The following OTUD7A variants were observed in gnomAD, a reference collection of about 807,000 sequenced individuals.
The protein encoded by OTUD7A is OTU domain-containing protein 7A.
OTUD7A carries 12 observed loss-of-function variants against 65.7 expected under a neutral mutation model. The observed-to-expected ratio is 0.18, with a 90% CI of 0.12 to 0.30. The LOEUF is 0.30. Among genes scored for constraint, OTUD7A ranks in the 10% least tolerant of loss-of-function variants. The pLI is 1.00. For missense variants in OTUD7A, 1,148 were observed against 1,304.8 expected (o/e 0.88, Z 1.85); for synonymous variants, 641 against 586.3 (o/e 1.09, Z -1.35).
chr15:31,823,912 T>C (rs1042827286), intron 1 of OTUD7A, among the ~76,000 whole-genome samples: 9 of 152,224 alleles, frequency 5.9e-5, no homozygotes, highest in Non-Finnish European at 1.3e-4. Flanking sequence ...TGGCATAAAC[T>C]GTCATATGTC....
intron 3 of OTUD7A, among the ~76,000 whole-genome samples, chr15:31,590,264 T>C (rs1378243901): frequency 6.6e-6 from 1 of 152,270 alleles, no homozygotes; most frequent in Non-Finnish European, 1.5e-5. Flanking sequence ...AGCCTAGGTA[T>C]GTAGTAGGCT....
At position 31,766,496 on chromosome 15, in the gene OTUD7A, T is replaced by G. The variant is rs902540980; in HGVS notation, c.-100+104011A>C. On this transcript the variant is annotated intron_variant, in intron 1 of 12. Coordinates refer to ENST00000307050, the MANE Select transcript of OTUD7A (RefSeq NM_001382637.1). ...GTTCTATTGTACTTTTGCAGAGTCT[T>G]TTATTGATTGTGGCACTAGACTCTC... 1.9e-6 allele frequency: 3 copies of G among 1,607,986 alleles called. No homozygotes were observed. The African/African-American group carries it at 4.0e-5, about 22-fold the overall frequency.
chr15:31,490,102 A>G lies in OTUD7A; in HGVS notation c.1172-2536T>C, dbSNP rs147631752. ...CAGTTCCGGCCAGGAGGCCATGAAA[A>G]CAGGTCCTCCTCGTGAGCAGCGGCT... On this transcript the variant is annotated intron_variant, in intron 10 of 12. Coordinates refer to ENST00000307050, the MANE Select transcript of OTUD7A (RefSeq NM_001382637.1). Among the ~76,000 whole-genome samples the G allele has an allele frequency of 7.2e-5, 11 of 152,330 alleles. No individual in the cohort carries two copies. The East Asian group carries it at 2.1e-3, about 29-fold the overall frequency.
intron 1 of OTUD7A, among the ~76,000 whole-genome samples, chr15:31,847,421 C>A (rs1255255495): frequency 6.6e-6 from 1 of 152,172 alleles, no homozygotes; most frequent in East Asian, 1.9e-4. Context: ...CGTTCCTTTA[C>A]TACGAGAAGG....
chr15:31,749,803 C>T (rs959018806), intron 1 of OTUD7A, among the ~76,000 whole-genome samples: 5 of 151,918 alleles, frequency 3.3e-5, no homozygotes, highest in Admixed American at 1.3e-4. Flanking sequence ...TAATTCCATA[C>T]CTTGTAAAAC....
At chr15:31,631,573 C>G (rs1308122481) in intron 3 of OTUD7A, among the ~76,000 whole-genome samples, 1 of 152,102 alleles carries the variant, frequency 6.6e-6, no homozygotes, top group Non-Finnish European at 1.5e-5. Context: ...TGTCTTGGAG[C>G]TGCTCTTCTC....
intron 1 of OTUD7A, among the ~76,000 whole-genome samples, chr15:31,755,540 T>C (rs1293477043): frequency 6.6e-6 from 1 of 151,950 alleles, no homozygotes. Context: ...GCTAACACGG[T>C]GAAACCCCGT....
At chr15:31,669,821 T>A (rs1207874730) in intron 1 of OTUD7A, among the ~76,000 whole-genome samples, 1 of 151,904 alleles carries the variant, frequency 6.6e-6, no homozygotes, top group Admixed American at 6.5e-5. Context: ...CCAGGGCCTT[T>A]CCCACTGCTT....
chr15:31,618,651 G>T (rs527477089), intron 3 of OTUD7A, among the ~76,000 whole-genome samples: 2 of 152,054 alleles, frequency 1.3e-5, no homozygotes, highest in Non-Finnish European at 2.9e-5. Flanking sequence ...ATTTGTTCGA[G>T]TTCTTTGTAG....
At chr15:31,602,410 C>G (rs1890104909) in intron 3 of OTUD7A, among the ~76,000 whole-genome samples, 1 of 152,154 alleles carries the variant, frequency 6.6e-6, no homozygotes. Context: ...AACACCCCTT[C>G]ATGGTAAAAA....
intron 1 of OTUD7A, among the ~76,000 whole-genome samples, chr15:31,825,292 TG>T (rs1896771550): frequency 6.6e-6 from 1 of 152,252 alleles, no homozygotes; most frequent in Admixed American, 6.5e-5. Context: ...TCCATGTGGC[TG>T]GGGAAGCCCC....
At chr15:31,766,166 A>G in intron 1 of OTUD7A, 1 of 1,488,140 alleles carries the variant, frequency 6.7e-7, no homozygotes, top group Non-Finnish European at 9.4e-7. Context: ...TTAAGAAAGA[A>G]ACTAATCTTC....
chr15:31,721,233 G>A (rs569501879), intron 1 of OTUD7A, among the ~76,000 whole-genome samples: 31 of 152,286 alleles, frequency 2.0e-4, no homozygotes, highest in African/African-American at 4.6e-4. Context: ...GTCTGGATAC[G>A]CAGTGTGTGT....
intron 1 of OTUD7A, among the ~76,000 whole-genome samples, chr15:31,830,144 G>A (rs1349793196): frequency 6.6e-6 from 1 of 152,114 alleles, no homozygotes; most frequent in Non-Finnish European, 1.5e-5. Context: ...GTTCAAACTT[G>A]CCCAGGTTTA....
intron 1 of OTUD7A, among the ~76,000 whole-genome samples, chr15:31,860,691 ATATATATATGTATG>A (rs1567060002): frequency 7.8e-6 from 1 of 128,496 alleles, no homozygotes; most frequent in Non-Finnish European, 1.6e-5. Flanking sequence ...ATATATATAT[ATATATATATGTATG>A]TATATATATA....
At chr15:31,653,603 G>A (rs1031398768) in intron 3 of OTUD7A, among the ~76,000 whole-genome samples, 8 of 150,126 alleles carry the variant, frequency 5.3e-5, no homozygotes, top group Non-Finnish European at 7.4e-5. Context: ...GGTTGGGGTA[G>A]GGGAGGGTCT....
intron 1 of OTUD7A, among the ~76,000 whole-genome samples, chr15:31,824,561 A>G (rs1025339236): frequency 1.3e-5 from 2 of 152,220 alleles, no homozygotes; most frequent in African/African-American, 4.8e-5. Flanking sequence ...CATTATGAAA[A>G]GTCTTGAAGT....
chr15:31,725,922 G>A (rs1219920459), intron 1 of OTUD7A, among the ~76,000 whole-genome samples: 2 of 152,080 alleles, frequency 1.3e-5, no homozygotes, highest in African/African-American at 4.8e-5. Context: ...AGATCTGGGG[G>A]CTATGTGTTA....
intron 5 of OTUD7A, among the ~76,000 whole-genome samples, chr15:31,541,042 A>G (rs753947461): frequency 1.3e-5 from 2 of 152,224 alleles, no homozygotes. Context: ...TTGGAAATCT[A>G]AAGAAAAGAG....
Sources: gnomAD v4.1 joint callset for allele counts (sites outside exome capture counted in the v4.1 genomes callset) on GRCh38, gnomAD v4.1.1 for gene constraint, MANE v1.5 for transcripts, NCBI Gene and HGNC (gene_info 2026-07-23, HGNC 2026-07-21) for gene names.